MACROD2: variants seen among roughly 807,000 people sequenced by gnomAD.
The protein encoded by MACROD2 is ADP-ribose glycohydrolase MACROD2.
Under a neutral mutation model 70.4 loss-of-function variants are expected in MACROD2, and 36 were observed. That is an observed-to-expected ratio of 0.51 (90% CI 0.39 to 0.68). MACROD2 has a LOEUF of 0.68. Ranked by LOEUF, MACROD2 falls within the 30% of genes least tolerant of loss-of-function variation. The pLI, the probability that MACROD2 is intolerant of heterozygous loss-of-function variation, is 0.00. For missense variants in MACROD2, 496 were observed against 538.4 expected, an observed-to-expected ratio of 0.92 and a Z score of 0.78; for synonymous variants, 172 against 178.8, an observed-to-expected ratio of 0.96 and a Z score of 0.30.
intron 3 of MACROD2, among the ~76,000 whole-genome samples, chr20:14,425,767 C>T (rs1248069669): frequency 1.3e-5 from 2 of 152,142 alleles, no homozygotes; most frequent in Non-Finnish European, 2.9e-5. Flanking sequence ...TCGCATCTTT[C>T]CTCTGTCCTA....
chr20:14,924,861 T>C (rs2074209669), intron 5 of MACROD2, among the ~76,000 whole-genome samples: 1 of 152,078 alleles, frequency 6.6e-6, no homozygotes, highest in South Asian at 2.1e-4. Context: ...ATTAAAAACA[T>C]GGAAAGGGCT....
chr20:15,076,784 A>T (rs1413119063), intron 5 of MACROD2, among the ~76,000 whole-genome samples: 2 of 152,130 alleles, frequency 1.3e-5, no homozygotes, highest in Non-Finnish European at 2.9e-5. Flanking sequence ...TCTAATATCC[A>T]TACAGGTTTA....
intron 4 of MACROD2, among the ~76,000 whole-genome samples, chr20:14,563,748 A>G (rs577747964): frequency 2.6e-5 from 4 of 152,080 alleles, no homozygotes; most frequent in Non-Finnish European, 4.4e-5. Flanking sequence ...TTGTAAAGCT[A>G]TATAGTGCAG....
At position 15,741,918 on chromosome 20, in the gene MACROD2, C is replaced by T. The variant is rs139665795; in HGVS notation, c.646-120827C>T. ...TGAATGAGTTAATAATAAACAAATA[C>T]GTTGATTGATTGATTGACTGGTTGA... On this transcript the variant is annotated intron_variant, in intron 8 of 17. Coordinates refer to ENST00000684519, the MANE Select transcript of MACROD2 (RefSeq NM_001351661.2). Among the ~76,000 whole-genome samples, 33 of 152,086 alleles carry T rather than the reference C, an allele frequency of 2.2e-4. 1 individual carries two copies. In the East Asian group the frequency reaches 5.2e-3, roughly 24 times the overall value.
intron 3 of MACROD2, among the ~76,000 whole-genome samples, chr20:14,365,305 G>C (rs1300696356): frequency 6.6e-6 from 1 of 151,324 alleles, no homozygotes; most frequent in Admixed American, 6.6e-5. Flanking sequence ...CTCTAAGATT[G>C]AGAAATAAAG....
At chr20:15,851,923 C>A (rs1326109691) in intron 8 of MACROD2, among the ~76,000 whole-genome samples, 1 of 152,204 alleles carries the variant, frequency 6.6e-6, no homozygotes, top group Non-Finnish European at 1.5e-5. Flanking sequence ...ACCACGAGCA[C>A]ACGGCAGCTT....
chr20:15,221,503 A>G (rs2076861078), intron 5 of MACROD2, among the ~76,000 whole-genome samples: 1 of 152,200 alleles, frequency 6.6e-6, no homozygotes, highest in Admixed American at 6.5e-5. Flanking sequence ...TCTCAAAACT[A>G]TCAATGGCTG....
chr20:14,842,892 A>C (rs978443097), intron 5 of MACROD2, among the ~76,000 whole-genome samples: 28 of 152,206 alleles, frequency 1.8e-4, no homozygotes, highest in Admixed American at 1.6e-3. Context: ...ACATGTCTGA[A>C]GTCAAACTTG....
Position 14,568,802 on chromosome 20 carries a change from G to A in MACROD2, c.301+75294G>A, listed in dbSNP as rs16994683. On this transcript the variant is annotated intron_variant, in intron 4 of 17. Transcript: ENST00000684519. Reference sequence around the variant, plus strand: ...TGAGAAGTAACATACATTTTTCTACGTGAGCGACTTTTTCCTTAAATCTCT... The same window carrying A: ...TGAGAAGTAACATACATTTTTCTACATGAGCGACTTTTTCCTTAAATCTCT... Among the ~76,000 whole-genome samples the A allele has an allele frequency of 4.6e-3, 695 of 151,922 alleles. 3 individuals are homozygous for A. The highest frequency in any genetic ancestry group is 0.015 in the African/African-American group (620 of 41,486).
chr20:15,871,969 T>C (rs1268053550), intron 9 of MACROD2, among the ~76,000 whole-genome samples: 1 of 152,178 alleles, frequency 6.6e-6, no homozygotes, highest in Non-Finnish European at 1.5e-5. Context: ...TCTGCTTTTA[T>C]TGAGATAGTA....
intron 5 of MACROD2, among the ~76,000 whole-genome samples, chr20:14,749,490 A>G (rs963329044): frequency 1.3e-5 from 2 of 152,116 alleles, no homozygotes; most frequent in African/African-American, 4.8e-5. Context: ...GAGAGATGAT[A>G]TTTTAACTGT....
chr20:15,055,407 C>A (rs950747412), intron 5 of MACROD2, among the ~76,000 whole-genome samples: 1 of 152,114 alleles, frequency 6.6e-6, no homozygotes, highest in East Asian at 1.9e-4. Flanking sequence ...ATCTCTGGGT[C>A]TTGGTTTTCT....
intron 3 of MACROD2, among the ~76,000 whole-genome samples, chr20:14,226,295 T>A (rs2081732599): frequency 6.6e-6 from 1 of 152,068 alleles, no homozygotes; most frequent in African/African-American, 2.4e-5. Context: ...ATACATAGGA[T>A]TTTCGCAACT....
intron 5 of MACROD2, among the ~76,000 whole-genome samples, chr20:15,059,778 C>G (rs2075517104): frequency 6.6e-6 from 1 of 152,148 alleles, no homozygotes; most frequent in Admixed American, 6.5e-5. Flanking sequence ...TTAAGAGAAA[C>G]TTTTAAAGCT....
chr20:16,007,352 A>T (rs1020279977), intron 15 of MACROD2, among the ~76,000 whole-genome samples: 1 of 152,232 alleles, frequency 6.6e-6, no homozygotes, highest in East Asian at 1.9e-4. Flanking sequence ...AACCAGTTGC[A>T]TTGGTGCAGA....
At chr20:14,565,773 G>A (rs1313001294) in intron 4 of MACROD2, among the ~76,000 whole-genome samples, 2 of 151,826 alleles carry the variant, frequency 1.3e-5, no homozygotes, top group Non-Finnish European at 2.9e-5. Context: ...AAGTCCCCCT[G>A]CCTTTCTCTG....
At chr20:14,082,593 T>C (rs2054014132) in intron 2 of MACROD2, among the ~76,000 whole-genome samples, 1 of 152,192 alleles carries the variant, frequency 6.6e-6, no homozygotes, top group Non-Finnish European at 1.5e-5. Context: ...TGTGAGTTAC[T>C]TACATAATGC....
intron 3 of MACROD2, among the ~76,000 whole-genome samples, chr20:14,219,918 C>T (rs892458382): frequency 1.1e-4 from 16 of 152,164 alleles, no homozygotes; most frequent in East Asian, 3.9e-4. Flanking sequence ...GTGCCTGTTC[C>T]GGTGGAGGTG....
At chr20:14,792,862 T>G (rs1262282055) in intron 5 of MACROD2, among the ~76,000 whole-genome samples, 1 of 152,180 alleles carries the variant, frequency 6.6e-6, no homozygotes, top group African/African-American at 2.4e-5. Context: ...CACCAAGCTC[T>G]GCTACTTTTG....
Sources: gnomAD v4.1 joint callset for allele counts (sites outside exome capture counted in the v4.1 genomes callset) on GRCh38, gnomAD v4.1.1 for gene constraint, MANE v1.5 for transcripts, NCBI Gene and HGNC (gene_info 2026-07-23, HGNC 2026-07-21) for gene names.